The following WDR89 variants were observed in gnomAD, a reference collection of about 807,000 sequenced individuals.
The protein encoded by WDR89 is WD repeat-containing protein 89.
Under a neutral mutation model 29.1 loss-of-function variants are expected in WDR89, and 17 were observed. The ratio of observed to expected loss-of-function variants is 0.58; its 90% CI spans 0.40 to 0.88. The LOEUF is 0.88. WDR89 is among the 40% of genes least tolerant of loss of function. The pLI, the probability that WDR89 is intolerant of heterozygous loss-of-function variation, is 0.00. For synonymous variants in WDR89, 138 were observed against 157.8 expected, an observed-to-expected ratio of 0.87 and a Z score of 0.94; for missense variants, 396 against 456.3, an observed-to-expected ratio of 0.87 and a Z score of 1.20.
chr14:63,625,314 G>A (rs543021420), intron 1 of WDR89, among the ~76,000 whole-genome samples: 4 of 152,136 alleles, frequency 2.6e-5, no homozygotes, highest in Non-Finnish European at 4.4e-5. Flanking sequence ...GATTATTAAG[G>A]GGCACAAGGA....
At chr14:63,609,868 T>C (rs981334574) in intron 2 of WDR89, among the ~76,000 whole-genome samples, 1 of 152,046 alleles carries the variant, frequency 6.6e-6, no homozygotes, top group African/African-American at 2.4e-5. Flanking sequence ...AAAAAATGAC[T>C]GTGTTTCACT....
chr14:63,598,994 GAAGGCTAGTC>G lies in WDR89; in HGVS notation c.939_948del (p.Thr314ArgfsTer21). 1 of 1,614,176 alleles carries G rather than the reference GAAGGCTAGTC, an allele frequency of 6.2e-7. No homozygotes were observed. The highest frequency in any genetic ancestry group is 8.5e-7 in the Non-Finnish European group (1 of 1,180,020). On this transcript the variant is annotated frameshift_variant, in exon 3 of 3. Transcript: ENST00000620954. LOFTEE classifies it high-confidence loss of function. ...CGGACTGTAGCAGCATGCCCTCCCT[GAAGGCTAGTC>G]ACATGGGTCAGTCCTGACATGCTGC...
At chr14:63,623,751 A>T (rs1882862213) in intron 2 of WDR89, among the ~76,000 whole-genome samples, 1 of 150,996 alleles carries the variant, frequency 6.6e-6, no homozygotes, top group African/African-American at 2.4e-5. Context: ...ACCAACAATT[A>T]CATTAAATAA....
At chr14:63,629,559 C>T (rs541971320) in intron 1 of WDR89, among the ~76,000 whole-genome samples, 8 of 152,318 alleles carry the variant, frequency 5.3e-5, no homozygotes, top group African/African-American at 1.9e-4. Context: ...ATGTCTGTTA[C>T]TCATGTCTGG....
intron 2 of WDR89, among the ~76,000 whole-genome samples, chr14:63,610,702 C>CTTTTTTTTTT (rs1009799974): frequency 2.9e-4 from 37 of 129,088 alleles, no homozygotes; most frequent in South Asian, 4.9e-4. Context: ...CTTTTCTTTT[C>CTTTTTTTTTT]TTTTTTTTTT....
At position 63,598,755 on chromosome 14, in the gene WDR89, CCAAA is replaced by C. The variant is rs756898973; in HGVS notation, c.*20_*23del. ...GGACTATTTGAAACTATAAAACCTA[CCAAA>C]CAAAGTGCCAAATGCATTATCACTG... On this transcript the variant is annotated 3_prime_UTR_variant, in exon 3 of 3. Coordinates refer to ENST00000620954, the MANE Select transcript of WDR89 (RefSeq NM_080666.4). 1.7e-4 allele frequency: 267 copies of C among 1,542,412 alleles called. 1 individual carries two copies. Among genetic ancestry groups the C allele is most frequent in the South Asian group, 7.9e-4 (62 of 78,208 alleles).
intron 2 of WDR89, among the ~76,000 whole-genome samples, chr14:63,602,078 C>G (rs1314986615): frequency 6.6e-6 from 1 of 152,106 alleles, no homozygotes; most frequent in African/African-American, 2.4e-5. Context: ...GTCTTTTCAT[C>G]TTTAAAAGGG....
chr14:63,630,077 A>G (rs539437476), intron 1 of WDR89, among the ~76,000 whole-genome samples: 1 of 152,126 alleles, frequency 6.6e-6, no homozygotes, highest in African/African-American at 2.4e-5. Flanking sequence ...CCTCCCAAGT[A>G]GCTGGGACTA....
intron 2 of WDR89, among the ~76,000 whole-genome samples, chr14:63,605,113 C>T (rs1029314321): frequency 6.6e-6 from 1 of 151,974 alleles, no homozygotes; most frequent in Admixed American, 6.6e-5. Context: ...TGCACCACTG[C>T]ACTTCAGCCT....
chr14:63,623,703 C>CAAAAAA (rs34839479), intron 2 of WDR89, among the ~76,000 whole-genome samples: 3 of 39,068 alleles, frequency 7.7e-5, no homozygotes, highest in Non-Finnish European at 1.5e-4. Context: ...GACTCTGTCT[C>CAAAAAA]AAAAAAAAAA....
At chr14:63,632,563 G>A (rs1883478720) in intron 1 of WDR89, among the ~76,000 whole-genome samples, 2 of 152,104 alleles carry the variant, frequency 1.3e-5, no homozygotes, top group African/African-American at 4.8e-5. Context: ...AACCCGGGAG[G>A]TGGAGGTTGC....
chr14:63,638,366 C>T (rs1883884353), intron 1 of WDR89, among the ~76,000 whole-genome samples: 1 of 152,220 alleles, frequency 6.6e-6, no homozygotes, highest in Non-Finnish European at 1.5e-5. Context: ...GTGGGAACAT[C>T]AGTTGAGCCC....
Position 63,599,290 on chromosome 14 carries a change from G to C in WDR89, c.653C>G (p.Ser218Ter), listed in dbSNP as rs1894932923. The C allele has an allele frequency of 2.5e-6, 4 of 1,613,812 alleles. No homozygotes were observed. The highest frequency in any genetic ancestry group is 3.4e-6 in the Non-Finnish European group (4 of 1,179,874). Residue 218 changes from serine (S) to a stop codon, truncating the protein, a stop_gained, in exon 3 of 3, where the codon TCA becomes TGA. Coordinates refer to ENST00000620954, the MANE Select transcript of WDR89 (RefSeq NM_080666.4). LOFTEE classifies it high-confidence loss of function. Reference protein sequence around the residue: ...ALVTTCNSISSVSCIGWSGKG... With the variant: ...ALVTTCNSIS ...CCCAGACCAACCAATACAGCTTACT[G>C]ATGAAATTGAGTTACAGGTTGTAAC...
chr14:63,617,510 A>G (rs1039233514), intron 2 of WDR89, among the ~76,000 whole-genome samples: 3 of 151,884 alleles, frequency 2.0e-5, no homozygotes, highest in Non-Finnish European at 4.4e-5. Context: ...TGTTTTTTTG[A>G]GACCAAGTTT....
At chr14:63,634,814 G>A (rs1410641882) in intron 1 of WDR89, among the ~76,000 whole-genome samples, 1 of 149,832 alleles carries the variant, frequency 6.7e-6, no homozygotes, top group Non-Finnish European at 1.5e-5. Context: ...AGGTTGCGGT[G>A]AGCCAAGATC....
rs563827915 is a variant in WDR89, at chr14:63,613,130, A to G, written c.-32+11798T>C. ...GATGGAGAAGACTCCTTGGTCCTAC[A>G]GGATGGTATAGCCATAAAATGAAAG... On this transcript the variant is annotated intron_variant, in intron 2 of 2. Coordinates refer to ENST00000620954, the MANE Select transcript of WDR89 (RefSeq NM_080666.4). 2.2e-4 allele frequency among the ~76,000 whole-genome samples: 33 copies of G among 152,328 alleles called. No homozygotes were observed. The South Asian group carries it at 6.4e-3, about 30-fold the overall frequency.
At chr14:63,627,146 A>T (rs61984040) in intron 1 of WDR89, among the ~76,000 whole-genome samples, 2,346 of 129,986 alleles carry the variant, frequency 0.018, 24 homozygotes, top group Non-Finnish European at 0.021. Flanking sequence ...ACACACACAC[A>T]CACACTCTCT....
intron 2 of WDR89, among the ~76,000 whole-genome samples, chr14:63,622,849 A>G (rs1882789694): frequency 6.6e-6 from 1 of 152,202 alleles, no homozygotes; most frequent in South Asian, 2.1e-4. Context: ...AATGTTGTAC[A>G]ATTCTTACAC....
chr14:63,622,086 G>C (rs893799003), intron 2 of WDR89, among the ~76,000 whole-genome samples: 3 of 152,168 alleles, frequency 2.0e-5, no homozygotes, highest in African/African-American at 7.2e-5. Context: ...AAAGATAATT[G>C]CTGTCTAAAG....
Sources: gnomAD v4.1 joint callset for allele counts (sites outside exome capture counted in the v4.1 genomes callset) on GRCh38, gnomAD v4.1.1 for gene constraint, MANE v1.5 for transcripts, NCBI Gene and HGNC (gene_info 2026-07-23, HGNC 2026-07-21) for gene names.